Variants in GRIP1 observed in about 807,000 individuals in gnomAD.
GRIP1 encodes glutamate receptor interacting protein 1.
In GRIP1, 45 loss-of-function variants were observed where a neutral mutation model predicts 129.9. That is an observed-to-expected ratio of 0.35 (90% CI 0.27 to 0.44). The LOEUF (loss-of-function observed/expected upper bound fraction) is 0.44. GRIP1 is among the 20% of genes least tolerant of loss of function. The pLI is 1.00. For missense variants in GRIP1, 1,196 were observed against 1,396.8 expected (o/e 0.86, Z 2.29); for synonymous variants, 530 against 520.8 (o/e 1.02, Z -0.24).
rs186826330 is a variant in GRIP1 at position 66,763,944 on chromosome 12, C to T, written c.-420+40109G>A. Among the ~76,000 whole-genome samples the T allele has an allele frequency of 9.2e-4, 140 of 152,330 alleles. 1 individual carries two copies. The highest frequency in any genetic ancestry group is 3.4e-3 in the Middle Eastern group (1 of 294). ...AAATTACAAAGTGGTGCAGCAAGCA[C>T]TGACATTGCCTAACAAGGCAAATGC... On this transcript the variant is annotated intron_variant, in intron 1 of 4. Transcript: ENST00000538373.
intron 1 of GRIP1, among the ~76,000 whole-genome samples, chr12:66,839,651 C>T (rs953767922): frequency 3.9e-5 from 6 of 151,936 alleles, no homozygotes; most frequent in African/African-American, 1.5e-4. Context: ...GCTTCAAAGG[C>T]CAAAAAAGAA....
rs562141546 is a variant in GRIP1, at chr12:67,053,773, G to A, written c.58+15277C>T. On this transcript the variant is annotated intron_variant, in intron 1 of 1. Coordinates refer to the GRIP1 transcript ENST00000643019. The stretch of plus-strand genomic sequence containing the variant: ...GAATCACTTGAACCTGGGAAGTGGA[G>A]GTTGCAATGAGCCGAGATCGCACCA... Among the ~76,000 whole-genome samples, 58 of 151,774 alleles carry A rather than the reference G, an allele frequency of 3.8e-4. 1 individual carries two copies. Among genetic ancestry groups the A allele is most frequent in the African/African-American group, 1.3e-3 (55 of 41,400 alleles).
At chr12:67,006,693 A>G (rs1186305627) in intron 1 of GRIP1, among the ~76,000 whole-genome samples, 2 of 152,238 alleles carry the variant, frequency 1.3e-5, no homozygotes, top group African/African-American at 4.8e-5. Flanking sequence ...CTAAGGACAG[A>G]AGGGAGCAGG....
Position 66,745,853 on chromosome 12 carries a change from C to T in GRIP1, c.-420+58200G>A, listed in dbSNP as rs561443577. ...AGATGTTCAGTGATCAGAGTATAGT[C>T]TGTAAGGTCAGAAGCGGCAAAGCCA... is the stretch of plus-strand genomic sequence containing the variant. On this transcript the variant is annotated intron_variant, in intron 1 of 4. Transcript: ENST00000538373. Among the ~76,000 whole-genome samples the T allele has an allele frequency of 4.6e-5, 7 of 152,260 alleles. No individual in the cohort carries two copies. In the East Asian group the frequency reaches 7.7e-4, roughly 17 times the overall value.
chr12:66,902,619 G>A (rs984759998), intron 1 of GRIP1, among the ~76,000 whole-genome samples: 8 of 152,146 alleles, frequency 5.3e-5, no homozygotes, highest in Admixed American at 2.0e-4. Context: ...AGGCCACTTC[G>A]GAATATTGCA....
At chr12:66,635,443 G>T (rs2140071141) in intron 1 of GRIP1, among the ~76,000 whole-genome samples, 1 of 151,438 alleles carries the variant, frequency 6.6e-6, no homozygotes, top group East Asian at 1.9e-4. Context: ...AAGAAAAAAA[G>T]AAAAAAGAAA....
intron 1 of GRIP1, among the ~76,000 whole-genome samples, chr12:66,918,797 T>G (rs2041167811): frequency 6.6e-6 from 1 of 152,168 alleles, no homozygotes. Context: ...AATCTTCATT[T>G]GGCAACTTTC....
intron 1 of GRIP1, among the ~76,000 whole-genome samples, chr12:66,888,877 T>C (rs186146164): frequency 6.6e-6 from 1 of 152,320 alleles, no homozygotes; most frequent in East Asian, 1.9e-4. Context: ...TAAATAAAAA[T>C]AAATAAATTC....
intron 14 of GRIP1, among the ~76,000 whole-genome samples, chr12:66,426,587 T>C (rs767499797): frequency 2.0e-5 from 3 of 152,134 alleles, no homozygotes; most frequent in Non-Finnish European, 2.9e-5. Flanking sequence ...ATTTCCCCCT[T>C]TGTTTCTGGT....
In GRIP1 at chr12:66,444,637, C is replaced by T. The variant is rs370175362; in HGVS notation, c.1634G>A (p.Arg545Gln). 1.1e-5 allele frequency: 18 copies of T among 1,613,924 alleles called. No individual in the cohort carries two copies. Among genetic ancestry groups the T allele is most frequent in the Admixed American group, 5.0e-5 (3 of 59,996 alleles). Reference protein sequence around the residue: ...STFEEASQLLRDSSITSKVTL... With the variant: ...STFEEASQLLQDSSITSKVTL... ...GACCTTGCTCGTGATTGAAGAGTCT[C>T]GGAGGAGCTGACTGGCTTCTTCGAA... is the stretch of plus-strand genomic sequence containing the variant. The change falls in exon 13 of 25, where the codon CGA (arginine) becomes CAA (glutamine). Residue 545 changes from arginine (R) to glutamine (Q), a missense_variant. This residue lies in a region of GRIP1 where 508 missense variants were observed against 587.0 expected (regional missense o/e 0.87). Coordinates refer to ENST00000359742, the MANE Select transcript of GRIP1 (RefSeq NM_001366722.1).
intron 1 of GRIP1, among the ~76,000 whole-genome samples, chr12:66,894,888 T>C (rs937242034): frequency 1.8e-4 from 28 of 152,192 alleles, no homozygotes; most frequent in Non-Finnish European, 3.8e-4. Flanking sequence ...ACTAGAACCC[T>C]AGCCAAAGAC....
chr12:66,964,037 C>T (rs2041960703), intron 1 of GRIP1, among the ~76,000 whole-genome samples: 1 of 152,030 alleles, frequency 6.6e-6, no homozygotes, highest in Non-Finnish European at 1.5e-5. Context: ...GAGTAACTCA[C>T]CCGTTAGCTG....
intron 5 of GRIP1, among the ~76,000 whole-genome samples, chr12:66,528,430 C>T (rs1218430439): frequency 1.3e-5 from 2 of 152,074 alleles, no homozygotes; most frequent in African/African-American, 2.4e-5. Flanking sequence ...AGTCACTGTG[C>T]CCGGCCTAGA....
intron 2 of GRIP1, among the ~76,000 whole-genome samples, chr12:66,578,330 G>A (rs7485670): frequency 0.23 from 33,702 of 148,980 alleles, 4,081 homozygotes; most frequent in Admixed American, 0.27. Flanking sequence ...TGTGAGCGAC[G>A]CAGAAGACGG....
chr12:66,712,174 T>G (rs577229962), intron 1 of GRIP1, among the ~76,000 whole-genome samples: 1 of 152,096 alleles, frequency 6.6e-6, no homozygotes, highest in Non-Finnish European at 1.5e-5. Context: ...CAATTTATAC[T>G]TCCAGATTTT....
At chr12:66,542,026 T>C in intron 2 of GRIP1, 76 bp from the exon 3 acceptor site, 1 of 1,324,656 alleles carries the variant, frequency 7.5e-7, no homozygotes, top group South Asian at 1.2e-5. Context: ...CCAGAAGTTC[T>C]TTCCACTTTT....
intron 4 of GRIP1, among the ~76,000 whole-genome samples, chr12:66,535,576 G>A (rs929306321): frequency 2.6e-5 from 4 of 152,128 alleles, no homozygotes; most frequent in African/African-American, 9.7e-5. Context: ...AGGTCACAAA[G>A]ACAGAAATGA....
chr12:67,023,783 G>A (rs946512729), intron 1 of GRIP1, among the ~76,000 whole-genome samples: 4 of 152,056 alleles, frequency 2.6e-5, no homozygotes, highest in African/African-American at 9.7e-5. Context: ...AATGCCCCAG[G>A]CTCCAGCGGA....
At chr12:67,056,745 A>C (rs1249395590) in intron 1 of GRIP1, among the ~76,000 whole-genome samples, 1 of 152,216 alleles carries the variant, frequency 6.6e-6, no homozygotes, top group Non-Finnish European at 1.5e-5. Context: ...GAAACTTGTA[A>C]GAGCATTACA....
Sources: gnomAD v4.1 joint callset for allele counts (sites outside exome capture counted in the v4.1 genomes callset) on GRCh38, gnomAD v4.1.1 for gene constraint, gnomAD v4.1.1 regional missense constraint, MANE v1.5 for transcripts, NCBI Gene and HGNC (gene_info 2026-07-23, HGNC 2026-07-21) for gene names.